KIF13A: variants seen among roughly 807,000 people sequenced by gnomAD.
KIF13A encodes kinesin family member 13A, also known as kinesin-like protein KIF13A.
A neutral mutation model predicts 212.2 loss-of-function variants in KIF13A; 79 were observed. The ratio of observed to expected loss-of-function variants is 0.37; its 90% CI spans 0.31 to 0.45. KIF13A has a LOEUF of 0.45. Ranked by LOEUF, KIF13A falls within the 20% of genes least tolerant of loss-of-function variation. The pLI is 1.00. For synonymous variants in KIF13A, 789 were observed against 808.6 expected (o/e 0.98, Z 0.41); for missense variants, 1,901 against 2,209.0 (o/e 0.86, Z 2.79).
At chr6:17,976,119 C>G (rs56295626) in intron 2 of KIF13A, among the ~76,000 whole-genome samples, 1 of 152,246 alleles carries the variant, frequency 6.6e-6, no homozygotes, top group Non-Finnish European at 1.5e-5. Flanking sequence ...CTCAGGAGCC[C>G]AGCTGGCTTC....
At chr6:17,866,810 G>C (rs189836739) in intron 4 of KIF13A, among the ~76,000 whole-genome samples, 21 of 133,752 alleles carry the variant, frequency 1.6e-4, no homozygotes, top group African/African-American at 6.1e-4. Flanking sequence ...GAGTAAAGGG[G>C]AGAACAAAAA....
At chr6:17,974,976 T>G (rs1267958455) in intron 2 of KIF13A, among the ~76,000 whole-genome samples, 1 of 152,190 alleles carries the variant, frequency 6.6e-6, no homozygotes, top group Non-Finnish European at 1.5e-5. Context: ...TATTGGACAG[T>G]GCTGGTCTAG....
chr6:17,881,813 T>A, intron 3 of KIF13A: 1 of 349,360 alleles, frequency 2.9e-6, no homozygotes, highest in African/African-American at 2.1e-5. Context: ...CTGGCCAACA[T>A]GGTGAAACCT....
intron 2 of KIF13A, among the ~76,000 whole-genome samples, chr6:17,957,998 CAG>C (rs1778493724): frequency 6.6e-6 from 1 of 152,142 alleles, no homozygotes; most frequent in South Asian, 2.1e-4. Context: ...GAAACAGTCA[CAG>C]AAAACATTTT....
chr6:17,865,433 C>T (rs1453245974), intron 4 of KIF13A, among the ~76,000 whole-genome samples: 3 of 152,094 alleles, frequency 2.0e-5, no homozygotes, highest in East Asian at 1.9e-4. Context: ...ACAGGCACAG[C>T]GATTTTGATG....
chr6:17,768,370 C>G lies in KIF13A; in HGVS notation c.4581+2744G>C, dbSNP rs57390670. Among the ~76,000 whole-genome samples, 945 of 152,258 alleles carry G rather than the reference C, an allele frequency of 6.2e-3. 6 individuals carry two copies. Among genetic ancestry groups the G allele is most frequent in the African/African-American group, 0.022 (907 of 41,552 alleles). The stretch of plus-strand genomic sequence containing the variant: ...CTGATATTTACCTATACAGAAAACA[C>G]CTTGATTTTAAAAAGGGACTGAAAT... On this transcript the variant is annotated intron_variant, in intron 38 of 38. Coordinates refer to ENST00000259711, the MANE Select transcript of KIF13A (RefSeq NM_022113.6). The surrounding 1 kb of genome is among the most constrained non-coding windows in gnomAD (Gnocchi z 5.4).
At chr6:17,930,990 T>C (rs902140072) in intron 2 of KIF13A, among the ~76,000 whole-genome samples, 3 of 152,236 alleles carry the variant, frequency 2.0e-5, no homozygotes, top group Non-Finnish European at 2.9e-5. Context: ...CAAAGGGCCT[T>C]CCTAAAATAT....
At chr6:17,941,532 G>A (rs970205182) in intron 2 of KIF13A, among the ~76,000 whole-genome samples, 2 of 152,072 alleles carry the variant, frequency 1.3e-5, no homozygotes, top group African/African-American at 4.8e-5. Flanking sequence ...CATTATGACT[G>A]GTGTCTTTAT....
Position 17,779,016 on chromosome 6 carries a change from C to T in KIF13A, c.4023G>A (p.Thr1341=), listed in dbSNP as rs760736074. 55 of 1,613,350 alleles carry T rather than the reference C, an allele frequency of 3.4e-5. No individual in the cohort carries two copies. The highest frequency in any genetic ancestry group is 1.6e-4 in the Middle Eastern group (1 of 6,084). The change falls in exon 33 of 39, where the codon ACG becomes ACA. Residue 1341 remains threonine, a synonymous_variant. Coordinates refer to ENST00000259711, the MANE Select transcript of KIF13A (RefSeq NM_022113.6). ...CGCCTCGAGTGTACTTCTCAATGTA[C>T]GTCTCCCCATCTGATGTGCCTTCGT... ...SENEGTSDGE[T]YIEKYTRGVL...
chr6:17,953,837 A>G (rs997012074), intron 2 of KIF13A: 4 of 177,536 alleles, frequency 2.3e-5, no homozygotes, highest in African/African-American at 7.0e-5. Flanking sequence ...CAAAGGAAAA[A>G]CTCTGTAAAG....
rs370707817 is a variant in KIF13A at position 17,898,255 on chromosome 6, A to G, written c.147-75T>C. ...CAACACAGCAGCCACATCAGAGGGA[A>G]ACAATGAAAGAGAAAAAAATAAGGT... On this transcript the variant is annotated intron_variant, in intron 2 of 38. Transcript: ENST00000259711. This position sits in a 1 kb window ranked among gnomAD's most constrained non-coding sequence, Gnocchi z 5.2. The G allele has an allele frequency of 1.1e-5, 15 of 1,414,608 alleles. No individual in the cohort carries two copies. The highest frequency in any genetic ancestry group is 1.4e-5 in the Non-Finnish European group (14 of 1,010,104). The allele number at this position is 1,414,608 out of a possible 1,614,324, so 87.6% of individuals were successfully genotyped here. A position where few individuals can be genotyped will look rare whatever the true frequency, so the allele number is the denominator to read the frequency against.
chr6:17,933,725 G>T (rs866808527), intron 2 of KIF13A, among the ~76,000 whole-genome samples: 41 of 152,096 alleles, frequency 2.7e-4, no homozygotes, highest in African/African-American at 9.7e-4. Context: ...TTCTAAGTAT[G>T]AGTGAAATAT....
intron 9 of KIF13A, among the ~76,000 whole-genome samples, chr6:17,846,483 C>A (rs147308650): frequency 6.6e-6 from 1 of 151,342 alleles, no homozygotes; most frequent in East Asian, 1.9e-4. Context: ...GTAAATAAGA[C>A]GAGGCCAGAA....
At position 17,828,256 on chromosome 6, in the gene KIF13A, G is replaced by C. The variant is rs1765145785; in HGVS notation, c.1516C>G (p.Pro506Ala). 1 of 1,609,260 alleles carries C rather than the reference G, an allele frequency of 6.2e-7. No individual in the cohort carries two copies. The highest frequency in any genetic ancestry group is 1.3e-5 in the African/African-American group (1 of 74,818). The change falls in exon 14 of 39, where the codon CCA becomes GCA. Residue 506 changes from proline (P) to alanine (A), a missense_variant. Pro to Ala is a conservative substitution (Grantham distance 27). This residue lies in a region of KIF13A where 506 missense variants were observed against 637.4 expected (regional missense o/e 0.79). Transcript: ENST00000259711. The surrounding 1 kb of genome is among the most constrained non-coding windows in gnomAD (Gnocchi z 4.3). ...TTTTCTTACCTTGCATTTTCTTTTGGAGTGAGAGTGACGTCTCCATCAGAT... is the reference window on the plus strand; with the variant it reads ...TTTTCTTACCTTGCATTTTCTTTTGCAGTGAGAGTGACGTCTCCATCAGAT... ...IASDGDVTLT[P>A]KENARSCVNG...
At chr6:17,860,322 G>T (rs911153602) in intron 4 of KIF13A, among the ~76,000 whole-genome samples, 2 of 151,942 alleles carry the variant, frequency 1.3e-5, no homozygotes, top group African/African-American at 4.8e-5. Context: ...CTAAGTAGCT[G>T]GGATTATAGG....
At chr6:17,956,770 ATAC>A (rs1428317242) in intron 2 of KIF13A, among the ~76,000 whole-genome samples, 2 of 152,144 alleles carry the variant, frequency 1.3e-5, no homozygotes, top group Admixed American at 1.3e-4. Context: ...GTCCTGCTCT[ATAC>A]TCTGGAGGAA....
intron 11 of KIF13A, among the ~76,000 whole-genome samples, chr6:17,835,924 T>A (rs1765914419): frequency 6.6e-6 from 1 of 152,126 alleles, no homozygotes; most frequent in Admixed American, 6.6e-5. Flanking sequence ...TACAGTGGGG[T>A]CAGAAGAGAG....
chr6:17,869,084 A>C (rs906018970), intron 4 of KIF13A, among the ~76,000 whole-genome samples: 1 of 151,886 alleles, frequency 6.6e-6, no homozygotes. Context: ...TGGCTTAACA[A>C]ATAAGCCTTT....
intron 2 of KIF13A, among the ~76,000 whole-genome samples, chr6:17,975,439 A>G (rs1294610685): frequency 1.3e-5 from 2 of 152,162 alleles, no homozygotes; most frequent in African/African-American, 2.4e-5. Flanking sequence ...TGATCTCGCT[A>G]GCTTACAAAA....
Sources: allele counts gnomAD v4.1 joint callset (sites outside exome capture counted in the v4.1 genomes callset), GRCh38; gene constraint gnomAD v4.1.1; regional missense constraint gnomAD v4.1.1; non-coding constraint Gnocchi (gnomAD v3.1); transcripts MANE v1.5; gene names NCBI Gene and HGNC (gene_info 2026-07-23, HGNC 2026-07-21).